UBE2E2: variants seen among roughly 807,000 people sequenced by gnomAD.
UBE2E2 encodes the protein ubiquitin conjugating enzyme E2 E2, also known as ubiquitin-conjugating enzyme E2 E2.
A neutral mutation model predicts 24.7 loss-of-function variants in UBE2E2; 6 were observed. The ratio of observed to expected loss-of-function variants is 0.24; its 90% CI spans 0.13 to 0.48. The LOEUF (loss-of-function observed/expected upper bound fraction) is 0.48. UBE2E2 is among the 20% of genes least tolerant of loss of function. The probability of loss-of-function intolerance (pLI) is 0.99; values close to 1 mark genes in which losing one functional copy is unlikely to be tolerated. For missense variants in UBE2E2, 169 were observed against 245.0 expected, an observed-to-expected ratio of 0.69 and a Z score of 2.07; for synonymous variants, 104 against 83.6, an observed-to-expected ratio of 1.24 and a Z score of -1.33.
intron 3 of UBE2E2, among the ~76,000 whole-genome samples, chr3:23,326,711 A>G (rs2125295867): frequency 6.6e-6 from 1 of 152,352 alleles, no homozygotes; most frequent in South Asian, 2.1e-4. Flanking sequence ...TCTTGGGTAC[A>G]TGTGCACAAC....
intron 5 of UBE2E2, among the ~76,000 whole-genome samples, chr3:23,575,148 A>G (rs902542489): frequency 1.3e-5 from 2 of 152,176 alleles, no homozygotes; most frequent in Non-Finnish European, 2.9e-5. Context: ...TGTGTAGACA[A>G]TGCCAGATGT....
At chr3:23,386,354 C>T (rs1696804023) in intron 3 of UBE2E2, among the ~76,000 whole-genome samples, 1 of 152,118 alleles carries the variant, frequency 6.6e-6, no homozygotes. Context: ...TCTAAGGGAT[C>T]CTGACCTCAT....
intron 3 of UBE2E2, among the ~76,000 whole-genome samples, chr3:23,324,757 A>C (rs1231390451): frequency 1.3e-5 from 2 of 151,820 alleles, no homozygotes; most frequent in Non-Finnish European, 2.9e-5. Context: ...TCAGATTTTC[A>C]AGATCTTTTC....
At chr3:23,299,770 G>C (rs1439642377) in intron 3 of UBE2E2, among the ~76,000 whole-genome samples, 1 of 152,098 alleles carries the variant, frequency 6.6e-6, no homozygotes, top group Non-Finnish European at 1.5e-5. Context: ...GTTGATTTGG[G>C]GTGGAGAGTT....
intron 3 of UBE2E2, among the ~76,000 whole-genome samples, chr3:23,338,432 A>G (rs996802339): frequency 6.6e-6 from 1 of 152,182 alleles, no homozygotes; most frequent in African/African-American, 2.4e-5. Flanking sequence ...AAGGTTGCAT[A>G]TATGTGTATG....
At chr3:23,429,415 G>A (rs1300590935) in intron 3 of UBE2E2, among the ~76,000 whole-genome samples, 4 of 152,150 alleles carry the variant, frequency 2.6e-5, no homozygotes, top group Non-Finnish European at 5.9e-5. Flanking sequence ...TTCCAACAGT[G>A]TGTAGAAACA....
intron 3 of UBE2E2, among the ~76,000 whole-genome samples, chr3:23,357,296 A>G (rs1695983328): frequency 6.6e-6 from 1 of 152,140 alleles, no homozygotes; most frequent in Non-Finnish European, 1.5e-5. Context: ...TTGTTACCGT[A>G]AGTGCTTTTT....
At chr3:23,314,837 G>T (rs1436397770) in intron 3 of UBE2E2, among the ~76,000 whole-genome samples, 2 of 152,166 alleles carry the variant, frequency 1.3e-5, no homozygotes, top group East Asian at 3.8e-4. Flanking sequence ...GAGCTCCATT[G>T]TATGTGACTT....
At chr3:23,332,270 G>A (rs1427940863) in intron 3 of UBE2E2, among the ~76,000 whole-genome samples, 4 of 151,976 alleles carry the variant, frequency 2.6e-5, no homozygotes, top group African/African-American at 4.8e-5. Flanking sequence ...ATCCTCCTGA[G>A]TAGCTGGGAC....
intron 3 of UBE2E2, among the ~76,000 whole-genome samples, chr3:23,286,255 A>G (rs957831208): frequency 1.3e-5 from 2 of 152,118 alleles, no homozygotes; most frequent in African/African-American, 4.8e-5. Context: ...TGCTCAGTCC[A>G]GTGTCCTGGA....
At chr3:23,449,304 AT>A (rs1172045017) in intron 3 of UBE2E2, among the ~76,000 whole-genome samples, 1 of 152,214 alleles carries the variant, frequency 6.6e-6, no homozygotes, top group Non-Finnish European at 1.5e-5. Flanking sequence ...TTTCTTAAAA[AT>A]TTTTTGGAGA....
At chr3:23,383,463 T>C (rs891836299) in intron 3 of UBE2E2, among the ~76,000 whole-genome samples, 1 of 129,826 alleles carries the variant, frequency 7.7e-6, no homozygotes, top group Non-Finnish European at 1.7e-5. Flanking sequence ...GAGATGAGCA[T>C]TTTATCCCCC....
chr3:23,399,804 T>C (rs763959631), intron 3 of UBE2E2, among the ~76,000 whole-genome samples: 2 of 152,206 alleles, frequency 1.3e-5, no homozygotes, highest in African/African-American at 2.4e-5. Flanking sequence ...CTGTTTATCA[T>C]TTGCATCATG....
At chr3:23,562,178 C>A (rs1695948066) in intron 5 of UBE2E2, among the ~76,000 whole-genome samples, 1 of 151,968 alleles carries the variant, frequency 6.6e-6, no homozygotes, top group African/African-American at 2.4e-5. Context: ...CAGTTTTTGC[C>A]CATTCAGTAT....
chr3:23,472,457 C>A (rs568393697), intron 3 of UBE2E2, among the ~76,000 whole-genome samples: 2 of 152,216 alleles, frequency 1.3e-5, no homozygotes, highest in Non-Finnish European at 1.5e-5. Flanking sequence ...AAGGTACTTC[C>A]AAGCACCATC....
intron 3 of UBE2E2, among the ~76,000 whole-genome samples, chr3:23,269,513 A>C (rs1289070148): frequency 6.6e-6 from 1 of 152,218 alleles, no homozygotes; most frequent in Non-Finnish European, 1.5e-5. Context: ...ACAGTCTGCC[A>C]GGAAATCAGT....
chr3:23,258,100 A>G (rs1453914433), intron 3 of UBE2E2, among the ~76,000 whole-genome samples: 1 of 152,220 alleles, frequency 6.6e-6, no homozygotes, highest in Non-Finnish European at 1.5e-5. Flanking sequence ...TAGCATAGGA[A>G]TGGGATTGGA....
chr3:23,470,459 T>G (rs892582290), intron 3 of UBE2E2, among the ~76,000 whole-genome samples: 5 of 152,234 alleles, frequency 3.3e-5, no homozygotes, highest in Non-Finnish European at 7.3e-5. Flanking sequence ...TTTAGGATTT[T>G]GGTTTTTGTT....
rs1696715603 is a variant in UBE2E2 at position 23,589,663 on chromosome 3, G to A, written c.509-71G>A. The A allele has an allele frequency of 1.3e-6, 2 of 1,534,008 alleles. No homozygotes were observed. Among genetic ancestry groups the A allele is most frequent in the Non-Finnish European group, 1.8e-6 (2 of 1,112,804 alleles). ...CTCATCTCCTACCCTCCCACTCCTT[G>A]CCAGCTTTCTGAACACTTCTTCCCC... is the stretch of plus-strand genomic sequence containing the variant. On this transcript the variant is annotated intron_variant, in intron 5 of 5. Coordinates refer to ENST00000396703, the MANE Select transcript of UBE2E2 (RefSeq NM_152653.4). This position sits in a 1 kb window ranked among gnomAD's most constrained non-coding sequence, Gnocchi z 4.1.
Sources: gnomAD v4.1 joint callset for allele counts (sites outside exome capture counted in the v4.1 genomes callset) on GRCh38, gnomAD v4.1.1 for gene constraint, Gnocchi (gnomAD v3.1) non-coding constraint, MANE v1.5 for transcripts, NCBI Gene and HGNC (gene_info 2026-07-23, HGNC 2026-07-21) for gene names.